The following CLYBL variants were observed in gnomAD, a reference collection of about 807,000 sequenced individuals.
CLYBL encodes citramalyl-CoA lyase, mitochondrial.
In CLYBL, 31 loss-of-function variants were observed where a neutral mutation model predicts 38.9. The ratio of observed to expected loss-of-function variants is 0.80; its 90% CI spans 0.60 to 1.08. The LOEUF is 1.08. Among genes scored for constraint, CLYBL ranks in the 50% least tolerant of loss-of-function variants. The pLI, the probability that CLYBL is intolerant of heterozygous loss-of-function variation, is 0.00. For synonymous variants in CLYBL, 171 were observed against 158.6 expected, an observed-to-expected ratio of 1.08 and a Z score of -0.59; for missense variants, 434 against 411.6, an observed-to-expected ratio of 1.05 and a Z score of -0.47.
At chr13:99,748,429 G>GGTTTTTTTTTTTTGTTTTT (rs2048892392) in intron 1 of CLYBL, among the ~76,000 whole-genome samples, 1 of 87,692 alleles carries the variant, frequency 1.1e-5, no homozygotes, top group Non-Finnish European at 2.0e-5. Flanking sequence ...CTAGTTTTGT[G>GGTTTTTTTTTTTTGTTTTT]TTTTTTTTTT....
rs187102773 is a variant in CLYBL, at chr13:99,659,250, G to A, written c.62+52493G>A. Among the ~76,000 whole-genome samples the A allele has an allele frequency of 2.6e-5, 4 of 152,158 alleles. No individual in the cohort carries two copies. In the East Asian group the frequency reaches 7.7e-4, roughly 29 times the overall value. On this transcript the variant is annotated intron_variant, in intron 1 of 8. Coordinates refer to ENST00000339105, the MANE Select transcript of CLYBL (RefSeq NM_206808.5). The stretch of plus-strand genomic sequence containing the variant: ...TATATGTATATATATGCGTGTGTGT[G>A]TGTATTTCTCCTCTAACAAACTGAG...
At chr13:99,888,069 T>C (rs2052395908) in intron 7 of CLYBL, among the ~76,000 whole-genome samples, 1 of 152,144 alleles carries the variant, frequency 6.6e-6, no homozygotes. Context: ...TTGGCCAGTC[T>C]GGTCTCGAAC....
At position 99,757,056 on chromosome 13, in the gene CLYBL, C is replaced by T. The variant is rs1266515335; in HGVS notation, c.63-15768C>T. On this transcript the variant is annotated intron_variant, in intron 1 of 8. Transcript: ENST00000339105. ...GGACCATAAGCTTGCACCACCACACCGGCCAATTATTTAAAACATGTTTGA... is the reference window on the plus strand; with the variant it reads ...GGACCATAAGCTTGCACCACCACACTGGCCAATTATTTAAAACATGTTTGA... 5.3e-5 allele frequency among the ~76,000 whole-genome samples: 8 copies of T among 151,878 alleles called. No individual in the cohort carries two copies. In the East Asian group the frequency reaches 7.7e-4, roughly 15 times the overall value.
intron 2 of CLYBL, among the ~76,000 whole-genome samples, chr13:99,825,732 G>T (rs1037221898): frequency 6.6e-5 from 10 of 152,210 alleles, no homozygotes; most frequent in African/African-American, 1.4e-4. Context: ...AATGTGGTGA[G>T]GGAGAACGTG....
intron 2 of CLYBL, among the ~76,000 whole-genome samples, chr13:99,833,496 A>T (rs959626050): frequency 6.6e-6 from 1 of 152,062 alleles, no homozygotes; most frequent in Non-Finnish European, 1.5e-5. Flanking sequence ...ACTTATGGGA[A>T]AGTACAAACT....
At chr13:99,756,510 C>G (rs1464119744) in intron 1 of CLYBL, among the ~76,000 whole-genome samples, 1 of 152,308 alleles carries the variant, frequency 6.6e-6, no homozygotes, top group East Asian at 1.9e-4. Context: ...GCTTGTCCAA[C>G]CTGTGGCCTG....
chr13:99,902,299 G>A (rs2052652339), intron 8 of CLYBL, among the ~76,000 whole-genome samples: 1 of 152,164 alleles, frequency 6.6e-6, no homozygotes. Flanking sequence ...GACCCAAGAT[G>A]ATAATTTTCA....
chr13:99,690,155 G>A (rs190689828), intron 1 of CLYBL: 2 of 152,292 alleles, frequency 1.3e-5, no homozygotes, highest in Non-Finnish European at 1.5e-5. Flanking sequence ...TTTCTTGCGG[G>A]AAGGGAAAGT....
At chr13:99,816,990 A>ACTT (rs1451955058) in intron 2 of CLYBL, among the ~76,000 whole-genome samples, 10 of 152,160 alleles carry the variant, frequency 6.6e-5, no homozygotes, top group Non-Finnish European at 1.2e-4. Flanking sequence ...CCTGACAAAG[A>ACTT]TGCGAATGAC....
intron 2 of CLYBL, among the ~76,000 whole-genome samples, chr13:99,853,574 A>T (rs2139175637): frequency 6.6e-6 from 1 of 152,336 alleles, no homozygotes; most frequent in East Asian, 1.9e-4. Flanking sequence ...AAATAACAGG[A>T]TAGAAAACTC....
chr13:99,702,356 C>T (rs1448903455), intron 1 of CLYBL, among the ~76,000 whole-genome samples: 3 of 152,032 alleles, frequency 2.0e-5, no homozygotes, highest in Non-Finnish European at 2.9e-5. Context: ...CACAGCCGGG[C>T]GCGGTGGCTC....
At chr13:99,826,637 A>G (rs139890366) in intron 2 of CLYBL, among the ~76,000 whole-genome samples, 21 of 152,352 alleles carry the variant, frequency 1.4e-4, no homozygotes, top group African/African-American at 5.0e-4. Flanking sequence ...ATCATAGTCC[A>G]ACTCTGATCT....
intron 1 of CLYBL, among the ~76,000 whole-genome samples, chr13:99,729,779 A>G (rs2048547003): frequency 6.6e-6 from 1 of 152,200 alleles, no homozygotes; most frequent in Admixed American, 6.5e-5. Flanking sequence ...GCACTTGAGT[A>G]TTCCTTATGT....
intron 1 of CLYBL, among the ~76,000 whole-genome samples, chr13:99,705,827 A>G (rs1410623547): frequency 1.3e-5 from 2 of 152,126 alleles, no homozygotes; most frequent in South Asian, 2.1e-4. Context: ...CTAGAGATAC[A>G]TAGTGGTAAT....
chr13:99,617,203 G>A lies in CLYBL; in HGVS notation c.62+10446G>A, dbSNP rs183531464. Among the ~76,000 whole-genome samples the A allele has an allele frequency of 3.3e-5, 5 of 152,124 alleles. No homozygotes were observed. The East Asian group carries it at 7.7e-4, about 24-fold the overall frequency. On this transcript the variant is annotated intron_variant, in intron 1 of 8. Transcript: ENST00000339105. ...GCAGTACTTGCTACTTCATTGTCCCGTTGCTAGCCCCAGTAAAATGAGGGT... is the reference window on the plus strand; with the variant it reads ...GCAGTACTTGCTACTTCATTGTCCCATTGCTAGCCCCAGTAAAATGAGGGT...
intron 1 of CLYBL, among the ~76,000 whole-genome samples, chr13:99,615,245 T>C (rs562183005): frequency 6.6e-6 from 1 of 152,182 alleles, no homozygotes; most frequent in Non-Finnish European, 1.5e-5. Flanking sequence ...AAACAGCCTT[T>C]GGTCACACAG....
At chr13:99,694,885 T>G (rs1484819158) in intron 1 of CLYBL, among the ~76,000 whole-genome samples, 4 of 152,104 alleles carry the variant, frequency 2.6e-5, no homozygotes, top group Non-Finnish European at 5.9e-5. Flanking sequence ...TGTGGGGAAT[T>G]TTTTTCCTTT....
chr13:99,751,227 G>GC (rs2048950860), intron 1 of CLYBL, among the ~76,000 whole-genome samples: 1 of 143,392 alleles, frequency 7.0e-6, no homozygotes, highest in Admixed American at 7.0e-5. Context: ...AAGTTTTTTT[G>GC]TTTTTTTTTT....
At chr13:99,889,551 AGGGCTG>A (rs2052435692) in intron 7 of CLYBL, among the ~76,000 whole-genome samples, 1 of 152,186 alleles carries the variant, frequency 6.6e-6, no homozygotes, top group South Asian at 2.1e-4. Flanking sequence ...TAAAAACAAG[AGGGCTG>A]GGAAGTGACT....
Sources: gnomAD v4.1 joint callset for allele counts (sites outside exome capture counted in the v4.1 genomes callset) on GRCh38, gnomAD v4.1.1 for gene constraint, MANE v1.5 for transcripts, NCBI Gene and HGNC (gene_info 2026-07-23, HGNC 2026-07-21) for gene names.